Variants in PPARG observed in about 807,000 individuals in gnomAD.
The protein encoded by PPARG is peroxisome proliferator activated receptor gamma.
PPARG carries 17 observed loss-of-function variants against 39.2 expected under a neutral mutation model. That is an observed-to-expected ratio of 0.43 (90% CI 0.30 to 0.65). The LOEUF is 0.65. Among genes scored for constraint, PPARG ranks in the 30% least tolerant of loss-of-function variants. PPARG has a pLI of 0.13. For missense variants in PPARG, 406 were observed against 585.9 expected (o/e 0.69, Z 3.17); for synonymous variants, 223 against 215.7 (o/e 1.03, Z -0.30).
At chr3:12,412,588 G>A (rs1334731233) in intron 6 of PPARG, among the ~76,000 whole-genome samples, 1 of 152,172 alleles carries the variant, frequency 6.6e-6, no homozygotes, top group African/African-American at 2.4e-5. Context: ...CTGGGTTCAA[G>A]TGCAGCTTTC....
At chr3:12,430,933 T>G (rs974884834) in intron 7 of PPARG, among the ~76,000 whole-genome samples, 4 of 152,080 alleles carry the variant, frequency 2.6e-5, no homozygotes, top group Non-Finnish European at 4.4e-5. Context: ...TAATATGGCT[T>G]AACATGGAGC....
chr3:12,406,154 G>A lies in PPARG; in HGVS notation c.729+73G>A, dbSNP rs774318435. On this transcript the variant is annotated intron_variant, in intron 6 of 7. Coordinates refer to ENST00000651735, the MANE Select transcript of PPARG (RefSeq NM_138711.6). ...TGGGTTTTTGTTTCTTTGAGTAAAT[G>A]GTTTACTGCGCTACAAATGCACACA... 20 of 1,367,196 alleles carry A rather than the reference G, an allele frequency of 1.5e-5. No homozygotes were observed. The Admixed American group carries it at 3.1e-4, about 21-fold the overall frequency. 84.7% of individuals were successfully genotyped at this position (1,367,196 alleles called of 1,614,324 possible).
intron 7 of PPARG, among the ~76,000 whole-genome samples, chr3:12,428,280 G>A (rs768499826): frequency 1.1e-4 from 16 of 152,238 alleles, no homozygotes; most frequent in African/African-American, 2.7e-4. Flanking sequence ...TTCCAGGACC[G>A]TGTGGATGGA....
At chr3:12,381,557 T>C (rs1421037122) in intron 4 of PPARG, 66 bp downstream of exon 4, 3 of 1,493,392 alleles carry the variant, frequency 2.0e-6, no homozygotes, top group Middle Eastern at 3.6e-4. Flanking sequence ...GCAGAACCCC[T>C]TTTTTAGGTG....
intron 5 of PPARG, among the ~76,000 whole-genome samples, chr3:12,399,778 G>A (rs1299851817): frequency 2.7e-5 from 4 of 145,844 alleles, no homozygotes; most frequent in Non-Finnish European, 6.0e-5. Context: ...TGAGGCAGGA[G>A]GATCACTTGG....
intron 6 of PPARG, among the ~76,000 whole-genome samples, chr3:12,409,232 G>A (rs1419934472): frequency 6.6e-6 from 1 of 152,182 alleles, no homozygotes; most frequent in African/African-American, 2.4e-5. Context: ...TACCAAACTG[G>A]ACATCATTGA....
chr3:12,294,984 C>T (rs1197396375), intron 1 of PPARG, among the ~76,000 whole-genome samples: 1 of 152,126 alleles, frequency 6.6e-6, no homozygotes, highest in Admixed American at 6.6e-5. Context: ...GAAATAGAAA[C>T]TTAGTAGCCA....
intron 2 of PPARG, chr3:12,351,383 C>T: frequency 1.7e-6 from 1 of 597,542 alleles, no homozygotes; most frequent in Non-Finnish European, 3.0e-6. Flanking sequence ...TCACAGCTGG[C>T]TCCTAATAGG....
chr3:12,321,473 T>A (rs2047543668), intron 2 of PPARG, among the ~76,000 whole-genome samples: 1 of 152,186 alleles, frequency 6.6e-6, no homozygotes, highest in Admixed American at 6.5e-5. Flanking sequence ...AGAAAATCTT[T>A]CTGTATAGGA....
intron 1 of PPARG, among the ~76,000 whole-genome samples, chr3:12,290,735 A>C (rs951018945): frequency 6.6e-6 from 1 of 152,210 alleles, no homozygotes; most frequent in Non-Finnish European, 1.5e-5. Context: ...GTTAGCCACT[A>C]ACCTTAATTA....
upstream of PPARG, chr3:12,287,882 CTCG>C: frequency 7.1e-6 from 1 of 141,690 alleles, no homozygotes; most frequent in Non-Finnish European, 1.6e-5. Flanking sequence ...CCGGGCCCGG[CTCG>C]GCCCGACCCG....
At chr3:12,388,022 T>A (rs551977908) in intron 4 of PPARG, among the ~76,000 whole-genome samples, 2 of 152,292 alleles carry the variant, frequency 1.3e-5, no homozygotes, top group South Asian at 4.1e-4. Flanking sequence ...CACCCACTAA[T>A]ATTAGTCTTT....
intron 6 of PPARG, among the ~76,000 whole-genome samples, chr3:12,411,310 C>T (rs1376608766): frequency 5.3e-5 from 8 of 151,896 alleles, no homozygotes; most frequent in African/African-American, 1.7e-4. Flanking sequence ...TGTGCTAGTT[C>T]ATTAGCATGT....
At position 12,335,393 on chromosome 3, in the gene PPARG, G is replaced by T. The variant is rs866215078; in HGVS notation, c.-9+22940G>T. Among the ~76,000 whole-genome samples, 20 of 152,270 alleles carry T rather than the reference G, an allele frequency of 1.3e-4. No individual in the cohort carries two copies. In the Middle Eastern group the frequency reaches 0.017, roughly 129 times the overall value. ...CAAGCTTTATTTTACTGCCTTCATT[G>T]AAATAAGCAGTTTTGACCATTTAAA... On this transcript the variant is annotated intron_variant, in intron 2 of 7. Transcript: ENST00000651735.
At chr3:12,357,426 C>A (rs1419523884) in intron 2 of PPARG, among the ~76,000 whole-genome samples, 1 of 152,146 alleles carries the variant, frequency 6.6e-6, no homozygotes, top group African/African-American at 2.4e-5. Flanking sequence ...CTCTGGGCCA[C>A]CTCTGTCAAT....
At chr3:12,379,422 G>A (rs951106528) in intron 2 of PPARG, among the ~76,000 whole-genome samples, 17 of 152,204 alleles carry the variant, frequency 1.1e-4, no homozygotes, top group Non-Finnish European at 1.5e-5. Flanking sequence ...AGAAGTTAAT[G>A]AGAGCAGGCC....
At chr3:12,316,614 T>TA (rs1165376009) in intron 2 of PPARG, among the ~76,000 whole-genome samples, 13 of 145,028 alleles carry the variant, frequency 9.0e-5, no homozygotes, top group Admixed American at 1.4e-4. Context: ...TTTTAAAAAC[T>TA]AAAAAAAAAA....
At chr3:12,419,514 TTGCAGTGG>T (rs1269646709) in intron 7 of PPARG, among the ~76,000 whole-genome samples, 1 of 152,002 alleles carries the variant, frequency 6.6e-6, no homozygotes, top group Non-Finnish European at 1.5e-5. Context: ...TCGTTCTGTC[TTGCAGTGG>T]TGCGATCTCG....
At chr3:12,399,137 G>A (rs1575115001) in intron 5 of PPARG, among the ~76,000 whole-genome samples, 1 of 152,152 alleles carries the variant, frequency 6.6e-6, no homozygotes, top group African/African-American at 2.4e-5. Context: ...CATCAACGAA[G>A]TGTTCAGTGA....
Sources: gnomAD v4.1 joint callset for allele counts (sites outside exome capture counted in the v4.1 genomes callset) on GRCh38, gnomAD v4.1.1 for gene constraint, MANE v1.5 for transcripts, NCBI Gene and HGNC (gene_info 2026-07-23, HGNC 2026-07-21) for gene names.